The following PELI2 variants were observed in gnomAD, a reference collection of about 807,000 sequenced individuals.
PELI2 encodes the protein E3 ubiquitin-protein ligase pellino homolog 2.
In PELI2, 23 loss-of-function variants were observed where a neutral mutation model predicts 42.3. The ratio of observed to expected loss-of-function variants is 0.54; its 90% CI spans 0.39 to 0.77. The LOEUF is 0.77. Ranked by LOEUF, PELI2 falls within the 30% of genes least tolerant of loss-of-function variation. The pLI, the probability that PELI2 is intolerant of heterozygous loss-of-function variation, is 0.00. For missense variants in PELI2, 463 were observed against 553.2 expected (o/e 0.84, Z 1.64); for synonymous variants, 245 against 212.2 (o/e 1.15, Z -1.34).
rs71847375 is a variant in PELI2, at chr14:56,197,039, ATTTT to A, written c.207+18578_207+18581del. Among the ~76,000 whole-genome samples the A allele has an allele frequency of 0.38, 57,124 of 151,860 alleles. 12,118 individuals are homozygous for A. Among genetic ancestry groups the A allele is most frequent in the South Asian group, 0.52 (2,499 of 4,814 alleles). On this transcript the variant is annotated intron_variant, in intron 2 of 5. Transcript: ENST00000267460. The surrounding 1 kb of genome is among the most constrained non-coding windows in gnomAD (Gnocchi z 4.9). ...GTGTTTAGATTTTTCTTGCATTAGA[ATTTT>A]TTGTTTATTTAATTAATATTAATTG...
intron 3 of PELI2, among the ~76,000 whole-genome samples, chr14:56,283,994 C>T (rs1165500863): frequency 6.6e-6 from 1 of 152,216 alleles, no homozygotes; most frequent in Non-Finnish European, 1.5e-5. Context: ...CGACAGCACT[C>T]ATAGTTCTGA....
chr14:56,233,630 A>T (rs930811424), intron 2 of PELI2, among the ~76,000 whole-genome samples: 5 of 152,192 alleles, frequency 3.3e-5, no homozygotes, highest in East Asian at 1.9e-4. Context: ...ACTTAAACGT[A>T]AGACCTAAAA....
chr14:56,207,733 A>C (rs560229443), intron 2 of PELI2, among the ~76,000 whole-genome samples: 103 of 152,176 alleles, frequency 6.8e-4, no homozygotes, highest in Non-Finnish European at 1.2e-3. Flanking sequence ...GCCAAAAGGG[A>C]TAGAAACTGT....
chr14:56,266,921 G>A (rs1215620537), intron 2 of PELI2, among the ~76,000 whole-genome samples: 1 of 152,016 alleles, frequency 6.6e-6, no homozygotes, highest in Non-Finnish European at 1.5e-5. Context: ...ACATTATATA[G>A]ACAATTCTAT....
At chr14:56,206,703 CG>C (rs778379946) in intron 2 of PELI2, among the ~76,000 whole-genome samples, 12 of 152,020 alleles carry the variant, frequency 7.9e-5, no homozygotes, top group Non-Finnish European at 1.3e-4. Context: ...CCTCCTTGAT[CG>C]TTTTTTTTGT....
intron 1 of PELI2, among the ~76,000 whole-genome samples, chr14:56,152,833 C>T (rs114258102): frequency 0.01 from 1,583 of 152,258 alleles, 18 homozygotes; most frequent in African/African-American, 0.032. Flanking sequence ...TACTGAAATT[C>T]ATTTCCAGTT....
intron 2 of PELI2, among the ~76,000 whole-genome samples, chr14:56,187,759 G>T (rs889888763): frequency 6.6e-6 from 1 of 152,196 alleles, no homozygotes; most frequent in Non-Finnish European, 1.5e-5. Flanking sequence ...AGGCACGAAT[G>T]AGTGGCTTCA....
chr14:56,169,386 C>T (rs907591806), intron 1 of PELI2, among the ~76,000 whole-genome samples: 5 of 152,166 alleles, frequency 3.3e-5, no homozygotes, highest in East Asian at 1.9e-4. Context: ...ACTGGATAGG[C>T]GATTGGCCAG....
chr14:56,286,396 G>T (rs1221341146), intron 3 of PELI2, among the ~76,000 whole-genome samples: 11 of 152,194 alleles, frequency 7.2e-5, no homozygotes, highest in African/African-American at 2.7e-4. Context: ...GGCCCTTCTA[G>T]ATGCTTTGAT....
chr14:56,298,926 T>A lies in PELI2; in HGVS notation c.*1760T>A, dbSNP rs966532789. 6.6e-6 allele frequency: 1 copy of A among 152,240 alleles called. No homozygotes were observed. Among genetic ancestry groups the A allele is most frequent in the African/African-American group, 2.4e-5 (1 of 41,460 alleles). The allele number at this position is 152,240 out of a possible 1,614,324, so 9.4% of individuals were successfully genotyped here. A position where few individuals can be genotyped will look rare whatever the true frequency, so the allele number is the denominator to read the frequency against. Reference sequence around the variant, plus strand: ...ATAGCTTGCTGTATTCTGTATAGCTTACTCTACCTGCAGACAGAAAATGAA... The same window carrying A: ...ATAGCTTGCTGTATTCTGTATAGCTAACTCTACCTGCAGACAGAAAATGAA... On this transcript the variant is annotated 3_prime_UTR_variant, in exon 6 of 6. Transcript: ENST00000267460.
At chr14:56,201,192 T>C (rs998712368) in intron 2 of PELI2, among the ~76,000 whole-genome samples, 2 of 152,226 alleles carry the variant, frequency 1.3e-5, no homozygotes, top group Non-Finnish European at 1.5e-5. Context: ...AAGTACCGTT[T>C]CCATGCAGTT....
chr14:56,165,266 T>C (rs986164412), intron 1 of PELI2, among the ~76,000 whole-genome samples: 2 of 152,188 alleles, frequency 1.3e-5, no homozygotes, highest in Non-Finnish European at 2.9e-5. Context: ...AGTTTCCTTC[T>C]TAAGTTCTTC....
chr14:56,284,019 T>G (rs1182685583), intron 3 of PELI2, among the ~76,000 whole-genome samples: 2 of 152,154 alleles, frequency 1.3e-5, no homozygotes, highest in Non-Finnish European at 2.9e-5. Flanking sequence ...TGGACCTCAG[T>G]GTGGAGAGTT....
chr14:56,172,357 A>G (rs1214901021), intron 1 of PELI2, among the ~76,000 whole-genome samples: 2 of 152,194 alleles, frequency 1.3e-5, no homozygotes, highest in Non-Finnish European at 2.9e-5. Flanking sequence ...GTCCCAGGGT[A>G]GTCGGCTTTT....
chr14:56,277,282 C>T (rs185693747), intron 2 of PELI2, among the ~76,000 whole-genome samples: 93 of 152,172 alleles, frequency 6.1e-4, no homozygotes, highest in East Asian at 5.2e-3. Flanking sequence ...GGTTGAACTC[C>T]GCCTCCTGTC....
chr14:56,267,059 T>C (rs1331673255), intron 2 of PELI2, among the ~76,000 whole-genome samples: 1 of 152,092 alleles, frequency 6.6e-6, no homozygotes, highest in Non-Finnish European at 1.5e-5. Flanking sequence ...CTAGTAGTAG[T>C]GGCTTTCTTA....
chr14:56,265,025 T>C (rs1888845910), intron 2 of PELI2, among the ~76,000 whole-genome samples: 1 of 152,200 alleles, frequency 6.6e-6, no homozygotes, highest in Non-Finnish European at 1.5e-5. Context: ...AGAGACACCA[T>C]GTTCATGGAT....
At chr14:56,166,775 G>GTT (rs35331071) in intron 1 of PELI2, among the ~76,000 whole-genome samples, 155 of 150,814 alleles carry the variant, frequency 1.0e-3, no homozygotes, top group African/African-American at 3.4e-3. Flanking sequence ...TTGTTGATTG[G>GTT]TTTTTTTTTC....
In PELI2 at chr14:56,300,558, A is replaced by C. The variant is rs541561818; in HGVS notation, c.*3392A>C. ...ATTGAAGTGTAATATAGGTTGTAGA[A>C]TTGTTACCTGCAGTTCTATGGTTTT... On this transcript the variant is annotated 3_prime_UTR_variant, in exon 6 of 6. Transcript: ENST00000267460. 2.0e-5 allele frequency: 3 copies of C among 152,178 alleles called. No individual in the cohort carries two copies. In the South Asian group the frequency reaches 6.2e-4, roughly 32 times the overall value. The allele number at this position is 152,178 out of a possible 1,614,324, so 9.4% of individuals were successfully genotyped here.
Sources: allele counts gnomAD v4.1 joint callset (sites outside exome capture counted in the v4.1 genomes callset), GRCh38; gene constraint gnomAD v4.1.1; non-coding constraint Gnocchi (gnomAD v3.1); transcripts MANE v1.5; gene names NCBI Gene and HGNC (gene_info 2026-07-23, HGNC 2026-07-21).